ASAP1: variants seen among roughly 807,000 people sequenced by gnomAD.
ASAP1 encodes the protein arf-GAP with SH3 domain, ANK repeat and PH domain-containing protein 1.
A neutral mutation model predicts 145.2 loss-of-function variants in ASAP1; 43 were observed. That is an observed-to-expected ratio of 0.30 (90% CI 0.23 to 0.38). The LOEUF is 0.38. Ranked by LOEUF, ASAP1 falls within the 10% of genes least tolerant of loss-of-function variation. ASAP1 has a pLI of 1.00. For synonymous variants in ASAP1, 546 were observed against 515.5 expected, an observed-to-expected ratio of 1.06 and a Z score of -0.80; for missense variants, 1,018 against 1,355.3, an observed-to-expected ratio of 0.75 and a Z score of 3.91.
At chr8:130,282,488 C>G (rs939918025) in intron 3 of ASAP1, among the ~76,000 whole-genome samples, 1 of 152,136 alleles carries the variant, frequency 6.6e-6, no homozygotes, top group Non-Finnish European at 1.5e-5. Flanking sequence ...AATTGCAATA[C>G]GACTGTTACC....
At chr8:130,217,247 CA>C (rs1298398683) in intron 4 of ASAP1, among the ~76,000 whole-genome samples, 1 of 151,996 alleles carries the variant, frequency 6.6e-6, no homozygotes, top group African/African-American at 2.4e-5. Flanking sequence ...ACAGTAGATG[CA>C]TAGTATTTAC....
At chr8:130,325,141 T>C (rs571609925) in intron 3 of ASAP1, among the ~76,000 whole-genome samples, 81 of 152,342 alleles carry the variant, frequency 5.3e-4, no homozygotes, top group African/African-American at 1.9e-3. Context: ...ATAATTAATG[T>C]GTGAGCTTTC....
At chr8:130,280,148 A>G (rs1565166456) in intron 3 of ASAP1, among the ~76,000 whole-genome samples, 2 of 152,180 alleles carry the variant, frequency 1.3e-5, no homozygotes, top group South Asian at 4.1e-4. Flanking sequence ...AACACATCAC[A>G]AGGCCAGTAA....
intron 5 of ASAP1, among the ~76,000 whole-genome samples, chr8:130,204,333 G>A (rs1816067627): frequency 6.6e-6 from 1 of 152,130 alleles, no homozygotes; most frequent in South Asian, 2.1e-4. Flanking sequence ...CCGGTCCCTG[G>A]TGCCAAAAAG....
intron 2 of ASAP1, among the ~76,000 whole-genome samples, chr8:130,375,233 C>T (rs1007743536): frequency 2.0e-5 from 3 of 152,108 alleles, no homozygotes; most frequent in Non-Finnish European, 4.4e-5. Context: ...ACCCTTGGAT[C>T]CCCCAGGCGT....
chr8:130,435,303 T>C (rs1481638243), intron 1 of ASAP1, among the ~76,000 whole-genome samples: 2 of 152,234 alleles, frequency 1.3e-5, no homozygotes, highest in Non-Finnish European at 2.9e-5. Flanking sequence ...AGTAAGTCTT[T>C]TGCGTCAGCA....
intron 1 of ASAP1, among the ~76,000 whole-genome samples, chr8:130,423,344 G>A (rs546969753): frequency 1.3e-5 from 2 of 152,202 alleles, no homozygotes; most frequent in East Asian, 1.9e-4. Context: ...TGCCTGGGGC[G>A]GGCAAGAAAT....
At chr8:130,291,445 TCC>T (rs1821939510) in intron 3 of ASAP1, among the ~76,000 whole-genome samples, 2 of 152,168 alleles carry the variant, frequency 1.3e-5, no homozygotes, top group Admixed American at 1.3e-4. Context: ...GAAAGTCATC[TCC>T]TGCCACTTCC....
At chr8:130,438,626 G>A (rs1456330774) in intron 1 of ASAP1, among the ~76,000 whole-genome samples, 3 of 152,126 alleles carry the variant, frequency 2.0e-5, no homozygotes, top group Non-Finnish European at 4.4e-5. Flanking sequence ...TGCATGGGTT[G>A]GTAAATTTAA....
At chr8:130,138,244 A>G (rs1268066079) in intron 13 of ASAP1, among the ~76,000 whole-genome samples, 2 of 152,174 alleles carry the variant, frequency 1.3e-5, no homozygotes, top group Non-Finnish European at 1.5e-5. Flanking sequence ...TGCTCTCTGG[A>G]CCATTTTTCA....
intron 3 of ASAP1, among the ~76,000 whole-genome samples, chr8:130,247,961 G>A (rs373350265): frequency 4.6e-4 from 70 of 152,272 alleles, no homozygotes; most frequent in African/African-American, 1.4e-3. Flanking sequence ...ACAACACCAC[G>A]TGGAGATGCA....
chr8:130,323,856 A>C (rs976857249), intron 3 of ASAP1, among the ~76,000 whole-genome samples: 1 of 152,044 alleles, frequency 6.6e-6, no homozygotes, highest in Non-Finnish European at 1.5e-5. Context: ...ACTGCCTAAT[A>C]GATTACCAGG....
intron 24 of ASAP1, among the ~76,000 whole-genome samples, chr8:130,106,167 C>T (rs1277377258): frequency 1.3e-5 from 2 of 152,034 alleles, no homozygotes; most frequent in African/African-American, 2.4e-5. Flanking sequence ...TTTAAAAAGG[C>T]CAAAAACCCA....
intron 26 of ASAP1, among the ~76,000 whole-genome samples, chr8:130,077,073 G>A (rs750392765): frequency 8.5e-5 from 13 of 152,246 alleles, no homozygotes; most frequent in Admixed American, 7.2e-4. Context: ...GAATGGGGGT[G>A]TTGGCGGCTG....
At chr8:130,133,353 G>A (rs1376000073) in intron 15 of ASAP1, among the ~76,000 whole-genome samples, 1 of 152,208 alleles carries the variant, frequency 6.6e-6, no homozygotes, top group African/African-American at 2.4e-5. Flanking sequence ...CTGGTCAGGT[G>A]AGTGCAAAAC....
At chr8:130,228,903 C>T (rs887133728) in intron 4 of ASAP1, among the ~76,000 whole-genome samples, 74 of 151,952 alleles carry the variant, frequency 4.9e-4, no homozygotes, top group African/African-American at 1.6e-3. Context: ...CCAGAAAACA[C>T]CAGTGAGAAA....
chr8:130,375,683 CCACCTGCCTT>C (rs773306660), intron 2 of ASAP1, among the ~76,000 whole-genome samples: 1 of 152,200 alleles, frequency 6.6e-6, no homozygotes, highest in Admixed American at 6.5e-5. Flanking sequence ...CCATGACTGC[CCACCTGCCTT>C]CACTCAACCT....
chr8:130,197,774 A>G (rs986695391), intron 5 of ASAP1, among the ~76,000 whole-genome samples: 3 of 152,218 alleles, frequency 2.0e-5, no homozygotes, highest in African/African-American at 4.8e-5. Context: ...TTCCTTGTCT[A>G]TGAGAAACGT....
chr8:130,261,202 A>C (rs1214528793), intron 3 of ASAP1, among the ~76,000 whole-genome samples: 2 of 152,162 alleles, frequency 1.3e-5, no homozygotes, highest in East Asian at 3.9e-4. Context: ...TTCCAGTTTA[A>C]ATATATGTGT....
Sources: gnomAD v4.1 joint callset for allele counts (sites outside exome capture counted in the v4.1 genomes callset) on GRCh38, gnomAD v4.1.1 for gene constraint, MANE v1.5 for transcripts, NCBI Gene and HGNC (gene_info 2026-07-23, HGNC 2026-07-21) for gene names.